Variants in APCDD1L observed in about 807,000 individuals in gnomAD.
APCDD1L encodes APC down-regulated 1 like, also known as protein APCDD1-like.
Under a neutral mutation model 24.2 loss-of-function variants are expected in APCDD1L, and 21 were observed. The ratio of observed to expected loss-of-function variants is 0.87; its 90% CI spans 0.61 to 1.25. APCDD1L has a LOEUF of 1.25. Ranked by LOEUF, APCDD1L falls within the 50% of genes most tolerant of loss-of-function variation. The pLI is 0.00. For missense variants in APCDD1L, 704 were observed against 711.7 expected, an observed-to-expected ratio of 0.99 and a Z score of 0.12; for synonymous variants, 321 against 323.6, an observed-to-expected ratio of 0.99 and a Z score of 0.09.
Position 58,494,548 on chromosome 20 carries a change from CA to C in APCDD1L, c.49+20110del, listed in dbSNP as rs1202620086. Among the ~76,000 whole-genome samples the C allele has an allele frequency of 1.3e-5, 2 of 151,988 alleles. No homozygotes were observed. The highest frequency in any genetic ancestry group is 4.8e-5 in the African/African-American group (2 of 41,348). On this transcript the variant is annotated intron_variant, in intron 1 of 3. Coordinates refer to ENST00000371149, the MANE Select transcript of APCDD1L (RefSeq NM_153360.3). This position sits in a 1 kb window ranked among gnomAD's most constrained non-coding sequence, Gnocchi z 4.8. ...AGAGATGGGGTCTGGCTATGTTGCC[CA>C]ATCTGGTCTCAAACTCCTGGGCTCA...
intron 1 of APCDD1L, 75 bp downstream of exon 1, chr20:58,514,584 T>G: frequency 1.5e-5 from 18 of 1,240,564 alleles, no homozygotes; most frequent in Non-Finnish European, 1.7e-5. Context: ...CAAGGGCCCT[T>G]AGGGGACATT....
At position 58,497,587 on chromosome 20, in the gene APCDD1L, A is replaced by C. The variant is rs912394917; in HGVS notation, c.49+17072T>G. ...CGTCTCTTCACATCGTCTTCCTTCG[A>C]CGCAGGTCTGCGTCCAAATATCCCC... On this transcript the variant is annotated intron_variant, in intron 1 of 3. Transcript: ENST00000371149. This position sits in a 1 kb window ranked among gnomAD's most constrained non-coding sequence, Gnocchi z 4.3. Among the ~76,000 whole-genome samples the C allele has an allele frequency of 3.3e-5, 5 of 151,902 alleles. No homozygotes were observed. The highest frequency in any genetic ancestry group is 1.2e-4 in the African/African-American group (5 of 41,328).
At chr20:58,513,054 C>T (rs774029829) in intron 1 of APCDD1L, among the ~76,000 whole-genome samples, 40 of 152,344 alleles carry the variant, frequency 2.6e-4, no homozygotes, top group Non-Finnish European at 5.1e-4. Context: ...CGGGAAGCTC[C>T]GGCCTGCCAA....
At chr20:58,488,169 C>A (rs905568219) in intron 1 of APCDD1L, among the ~76,000 whole-genome samples, 3 of 152,148 alleles carry the variant, frequency 2.0e-5, no homozygotes, top group Non-Finnish European at 2.9e-5. Context: ...AAATCTTGCA[C>A]CATTCTGCTG....
Position 58,461,033 on chromosome 20 carries a change from G to C in APCDD1L, c.1263C>G (p.Leu421=). 6.2e-7 allele frequency: 1 copy of C among 1,614,102 alleles called. No homozygotes were observed. The highest frequency in any genetic ancestry group is 1.3e-5 in the African/African-American group (1 of 75,014). ...GTCCGATGAAGAGCAGGCTTTGCCC[G>C]AGGGGGTCTTGTTCCATCTTGAAAA... ...YELFKMEQDP[L]GQSLLFIGQR... is the part of the protein sequence containing the mutation. Residue 421 remains leucine (L), a synonymous_variant, in exon 4 of 4, where the codon CTC becomes CTG. Coordinates refer to ENST00000371149, the MANE Select transcript of APCDD1L (RefSeq NM_153360.3). This position sits in a 1 kb window ranked among gnomAD's most constrained non-coding sequence, Gnocchi z 6.0.
At chr20:58,507,211 C>G (rs937209813) in intron 1 of APCDD1L, among the ~76,000 whole-genome samples, 1 of 152,188 alleles carries the variant, frequency 6.6e-6, no homozygotes, top group Non-Finnish European at 1.5e-5. Flanking sequence ...TTGCCTGCTG[C>G]CATCCTTGTA....
In APCDD1L at chr20:58,467,464, T is replaced by C; in HGVS notation, c.383A>G (p.His128Arg). 6.3e-7 allele frequency: 1 copy of C among 1,593,542 alleles called. No homozygotes were observed. The highest frequency in any genetic ancestry group is 8.5e-7 in the Non-Finnish European group (1 of 1,171,602). ...VTRGATEADYHLHKVGIVFHS... is the reference protein window; with the variant it reads ...VTRGATEADYRLHKVGIVFHS... ...GAAGACGATGCCCACCTTGTGCAGG[T>C]GGTAGTCGGCCTCGGTGGCTCCCCG... Residue 128 changes from histidine to arginine, a missense_variant, in exon 3 of 4, where the codon CAC becomes CGC. His to Arg is a conservative substitution (Grantham distance 29). Transcript: ENST00000371149. This position sits in a 1 kb window ranked among gnomAD's most constrained non-coding sequence, Gnocchi z 5.9.
intron 1 of APCDD1L, among the ~76,000 whole-genome samples, chr20:58,503,262 C>T (rs1160662531): frequency 6.6e-6 from 1 of 152,206 alleles, no homozygotes; most frequent in African/African-American, 2.4e-5. Context: ...AACAACAAAT[C>T]CAAATGCTGA....
intron 1 of APCDD1L, among the ~76,000 whole-genome samples, chr20:58,477,820 A>T (rs187045856): frequency 3.3e-5 from 5 of 152,178 alleles, no homozygotes; most frequent in Admixed American, 3.3e-4. Flanking sequence ...GGGTCTCACT[A>T]TGTTGCCCAG....
chr20:58,507,298 A>T (rs1361594128), intron 1 of APCDD1L, among the ~76,000 whole-genome samples: 2 of 152,180 alleles, frequency 1.3e-5, no homozygotes, highest in Non-Finnish European at 2.9e-5. Context: ...AAGTCCATTA[A>T]ACCTCTTTCT....
chr20:58,496,452 A>G (rs186433903), intron 1 of APCDD1L, among the ~76,000 whole-genome samples: 4 of 152,360 alleles, frequency 2.6e-5, no homozygotes, highest in Non-Finnish European at 5.9e-5. Flanking sequence ...TGAAAACAGA[A>G]AGACAAATAC....
Position 58,496,194 on chromosome 20 carries a change from T to C in APCDD1L, c.49+18465A>G, listed in dbSNP as rs138337322. ...AGCCATAACCTGTGCCCAGCCTGGG[T>C]CAGCTGTGGGAGAGGCTGGGGAGGG... On this transcript the variant is annotated intron_variant, in intron 1 of 3. Transcript: ENST00000371149. Among the ~76,000 whole-genome samples, 348 of 152,322 alleles carry C rather than the reference T, an allele frequency of 2.3e-3. 2 individuals carry two copies. Among genetic ancestry groups the C allele is most frequent in the African/African-American group, 8.0e-3 (332 of 41,582 alleles).
rs752067280 is a variant in APCDD1L, at chr20:58,514,724, G to C, written c.-17C>G. 1 of 1,301,258 alleles carries C rather than the reference G, an allele frequency of 7.7e-7. No homozygotes were observed. Among genetic ancestry groups the C allele is most frequent in the East Asian group, 2.8e-5 (1 of 35,224 alleles). 80.6% of individuals were successfully genotyped at this position (1,301,258 alleles called of 1,614,324 possible). ...TGCGGGCATCCCGTCGGGGCTGGCAGGACCGCCCGCCGGGCGCTGCCACGG... is the reference window on the plus strand; with the variant it reads ...TGCGGGCATCCCGTCGGGGCTGGCACGACCGCCCGCCGGGCGCTGCCACGG... On this transcript the variant is annotated 5_prime_UTR_variant, in exon 1 of 4. Coordinates refer to ENST00000371149, the MANE Select transcript of APCDD1L (RefSeq NM_153360.3).
intron 1 of APCDD1L, among the ~76,000 whole-genome samples, 161 bp downstream of exon 1, chr20:58,514,498 C>G (rs974656740): frequency 6.6e-6 from 1 of 152,228 alleles, no homozygotes; most frequent in African/African-American, 2.4e-5. Context: ...GCGCAGGTGC[C>G]GGCCAGGTGA....
chr20:58,491,244 T>A (rs1250953429), intron 1 of APCDD1L, among the ~76,000 whole-genome samples: 1 of 152,198 alleles, frequency 6.6e-6, no homozygotes, highest in African/African-American at 2.4e-5. Context: ...TGACTTTCAA[T>A]GTTTTACTGA....
At chr20:58,489,891 A>G (rs1990192673) in intron 1 of APCDD1L, among the ~76,000 whole-genome samples, 1 of 152,186 alleles carries the variant, frequency 6.6e-6, no homozygotes, top group Non-Finnish European at 1.5e-5. Context: ...CACAATTGGC[A>G]TAAAAATAAA....
chr20:58,475,645 G>A (rs980906585), intron 1 of APCDD1L, among the ~76,000 whole-genome samples: 1 of 152,140 alleles, frequency 6.6e-6, no homozygotes, highest in South Asian at 2.1e-4. Context: ...TGAGGCACGC[G>A]AAAGGAGAGC....
chr20:58,459,478 G>T lies in APCDD1L; in HGVS notation c.*1312C>A, dbSNP rs1260496821. 1.3e-5 allele frequency: 2 copies of T among 152,122 alleles called. No individual in the cohort carries two copies. Among genetic ancestry groups the T allele is most frequent in the East Asian group, 3.9e-4 (2 of 5,192 alleles). 9.4% of individuals were successfully genotyped at this position (152,122 alleles called of 1,614,324 possible). A position where few individuals can be genotyped will look rare whatever the true frequency, so the allele number is the denominator to read the frequency against. ...CTCTGAAACCATCATTAACCTCACA[G>T]ACAATTGTTCAAAATCTGTGATAAG... On this transcript the variant is annotated 3_prime_UTR_variant, in exon 4 of 4. Coordinates refer to ENST00000371149, the MANE Select transcript of APCDD1L (RefSeq NM_153360.3).
chr20:58,513,590 T>C (rs942097887), intron 1 of APCDD1L, among the ~76,000 whole-genome samples: 6 of 152,202 alleles, frequency 3.9e-5, no homozygotes, highest in African/African-American at 1.4e-4. Flanking sequence ...GCTCCTTGCC[T>C]ATACATGGAG....
Sources: allele counts gnomAD v4.1 joint callset (sites outside exome capture counted in the v4.1 genomes callset), GRCh38; gene constraint gnomAD v4.1.1; non-coding constraint Gnocchi (gnomAD v3.1); transcripts MANE v1.5; gene names NCBI Gene and HGNC (gene_info 2026-07-23, HGNC 2026-07-21).